The following PCDHGA5 variants were observed in gnomAD, a reference collection of about 807,000 sequenced individuals.
PCDHGA5 encodes protocadherin gamma subfamily A, 5, also known as protocadherin gamma-A5.
Under a neutral mutation model 56.7 loss-of-function variants are expected in PCDHGA5, and 36 were observed. The observed-to-expected ratio is 0.64, with a 90% CI of 0.49 to 0.84. The LOEUF is 0.84. PCDHGA5 is among the 40% of genes least tolerant of loss of function. The probability of loss-of-function intolerance (pLI) is 0.00; values close to 1 mark genes in which losing one functional copy is unlikely to be tolerated. For synonymous variants in PCDHGA5, 563 were observed against 520.2 expected, an observed-to-expected ratio of 1.08 and a Z score of -1.12; for missense variants, 1,305 against 1,201.5, an observed-to-expected ratio of 1.09 and a Z score of -1.27.
chr5:141,408,806 C>A (rs1368887332), intron 1 of PCDHGA5: 2 of 1,612,894 alleles, frequency 1.2e-6, no homozygotes, highest in African/African-American at 1.3e-5. Flanking sequence ...ACTCCTAGAC[C>A]GGGAAGAACA....
chr5:141,404,610 T>C lies in PCDHGA5; in HGVS notation c.2421+37859T>C, dbSNP rs1207198913. ...AATGTGTCATTGAGACTGTTTGTTTTGGACCAGAATGACAATGCCCCAGAA... is the reference window on the plus strand; with the variant it reads ...AATGTGTCATTGAGACTGTTTGTTTCGGACCAGAATGACAATGCCCCAGAA... On this transcript the variant is annotated intron_variant, in intron 1 of 3. Transcript: ENST00000518069. 1 of 1,614,130 alleles carries C rather than the reference T, an allele frequency of 6.2e-7. No homozygotes were observed. Among genetic ancestry groups the C allele is most frequent in the African/African-American group, 1.3e-5 (1 of 75,054 alleles).
chr5:141,376,195 C>G, intron 1 of PCDHGA5: 1 of 1,614,172 alleles, frequency 6.2e-7, no homozygotes, highest in South Asian at 1.1e-5. Context: ...CCTGCGTCTT[C>G]CTGGCCTTCG....
chr5:141,457,635 T>G (rs1242403589), intron 1 of PCDHGA5, among the ~76,000 whole-genome samples: 2 of 152,270 alleles, frequency 1.3e-5, no homozygotes, highest in African/African-American at 4.8e-5. Flanking sequence ...ATACTTGGCC[T>G]GATTATTTGC....
At chr5:141,502,525 G>A (rs1258704254) in intron 2 of PCDHGA5, among the ~76,000 whole-genome samples, 1 of 152,074 alleles carries the variant, frequency 6.6e-6, no homozygotes, top group Non-Finnish European at 1.5e-5. Flanking sequence ...CAGTGATGCC[G>A]AGTTTGTTCG....
Position 141,491,077 on chromosome 5 carries a change from T to TAGGA in PCDHGA5, c.2422-3730_2422-3729insAGGA, listed in dbSNP as rs752090443. 1.2e-6 allele frequency: 2 copies of TAGGA among 1,614,166 alleles called. No homozygotes were observed. Among genetic ancestry groups the TAGGA allele is most frequent in the Admixed American group, 3.3e-5 (2 of 60,014 alleles). On this transcript the variant is annotated intron_variant, in intron 1 of 3. Transcript: ENST00000518069. This position sits in a 1 kb window ranked among gnomAD's most constrained non-coding sequence, Gnocchi z 6.9. The stretch of plus-strand genomic sequence containing the variant: ...GCTCTCCTACTCACTGTTGCCACAG[T>TAGGA]CCACAGCCCCAGGACTGTTCCTCGT...
intron 1 of PCDHGA5, among the ~76,000 whole-genome samples, chr5:141,464,370 T>C (rs1239284694): frequency 6.6e-6 from 1 of 151,828 alleles, no homozygotes. Context: ...CCAATATTTT[T>C]GCAATATAAA....
At chr5:141,451,352 A>G (rs2098714151) in intron 1 of PCDHGA5, among the ~76,000 whole-genome samples, 1 of 152,232 alleles carries the variant, frequency 6.6e-6, no homozygotes, top group Non-Finnish European at 1.5e-5. Flanking sequence ...AAGGGTCAAC[A>G]GAGGATGGAT....
rs1562157859 is a variant in PCDHGA5 at position 141,493,022 on chromosome 5, G to GTGCC, written c.2422-1784_2422-1781dup. Among the ~76,000 whole-genome samples, 2 of 152,222 alleles carry GTGCC rather than the reference G, an allele frequency of 1.3e-5. No homozygotes were observed. Among genetic ancestry groups the GTGCC allele is most frequent in the African/African-American group, 4.8e-5 (2 of 41,454 alleles). ...GCTATAGGCTCTGCCAGATGCCAGG[G>GTGCC]TGCCCTTATGTGTGAGGAAACTACA... On this transcript the variant is annotated intron_variant, in intron 1 of 3. Coordinates refer to ENST00000518069, the MANE Select transcript of PCDHGA5 (RefSeq NM_018918.3). The surrounding 1 kb of genome is among the most constrained non-coding windows in gnomAD (Gnocchi z 4.3).
At chr5:141,401,669 T>A (rs2094181201) in intron 1 of PCDHGA5, among the ~76,000 whole-genome samples, 1 of 152,234 alleles carries the variant, frequency 6.6e-6, no homozygotes, top group Admixed American at 6.5e-5. Context: ...TTTCTCAACA[T>A]CCTTGTAGGA....
chr5:141,450,829 A>ATTT (rs373424450), intron 1 of PCDHGA5, among the ~76,000 whole-genome samples: 12,063 of 134,876 alleles, frequency 0.089, 619 homozygotes, highest in African/African-American at 0.14. Flanking sequence ...TATTATTATT[A>ATTT]TTTTTTTTTT....
rs1266068276 is a variant in PCDHGA5 at position 141,418,847 on chromosome 5, C to T, written c.2421+52096C>T. 1.2e-6 allele frequency: 2 copies of T among 1,613,972 alleles called. No individual in the cohort carries two copies. The highest frequency in any genetic ancestry group is 1.3e-5 in the African/African-American group (1 of 75,054). On this transcript the variant is annotated intron_variant, in intron 1 of 3. Transcript: ENST00000518069. ...AAAAGACCGAGGATCTCTCTCAACACGGTGTAAAGTAATTGTAGAAGTTGT... is the reference window on the plus strand; with the variant it reads ...AAAAGACCGAGGATCTCTCTCAACATGGTGTAAAGTAATTGTAGAAGTTGT...
In PCDHGA5 at chr5:141,491,759, G is replaced by C. The variant is rs746395685; in HGVS notation, c.2422-3048G>C. 3 of 1,575,392 alleles carry C rather than the reference G, an allele frequency of 1.9e-6. No individual in the cohort carries two copies. Among genetic ancestry groups the C allele is most frequent in the Non-Finnish European group, 2.6e-6 (3 of 1,161,808 alleles). ...GGGGGCGGCACTGGAGAAGCCGCCC[G>C]TCCTCATAAGGGATTGAACTTGCAT... On this transcript the variant is annotated intron_variant, in intron 1 of 3. Coordinates refer to ENST00000518069, the MANE Select transcript of PCDHGA5 (RefSeq NM_018918.3). The surrounding 1 kb of genome is among the most constrained non-coding windows in gnomAD (Gnocchi z 6.9).
intron 1 of PCDHGA5, chr5:141,386,033 G>A (rs1205491473): frequency 1.3e-5 from 2 of 152,154 alleles, no homozygotes; most frequent in Admixed American, 6.6e-5. Flanking sequence ...TTGTGACATA[G>A]GCAATTACAT....
In PCDHGA5 at chr5:141,493,511, T is replaced by G. The variant is rs1203329648; in HGVS notation, c.2422-1296T>G. Among the ~76,000 whole-genome samples the G allele has an allele frequency of 6.6e-6, 1 of 152,094 alleles. No individual in the cohort carries two copies. Reference sequence around the variant, plus strand: ...TCTGTGGCTCCTCATTTCTGAGCAGTCCCCGCAGCGCAAACTTGGCCAGTT... The same window carrying G: ...TCTGTGGCTCCTCATTTCTGAGCAGGCCCCGCAGCGCAAACTTGGCCAGTT... On this transcript the variant is annotated intron_variant, in intron 1 of 3. Coordinates refer to ENST00000518069, the MANE Select transcript of PCDHGA5 (RefSeq NM_018918.3). This position sits in a 1 kb window ranked among gnomAD's most constrained non-coding sequence, Gnocchi z 4.3.
intron 1 of PCDHGA5, chr5:141,415,314 C>G (rs375384840): frequency 1.9e-6 from 3 of 1,614,238 alleles, no homozygotes; most frequent in South Asian, 1.1e-5. Context: ...CCTTCGTCAT[C>G]GTGCTGCTGG....
intron 1 of PCDHGA5, chr5:141,371,107 A>AC (rs1370451724): frequency 5.0e-6 from 8 of 1,613,532 alleles, no homozygotes; most frequent in East Asian, 2.2e-5. Flanking sequence ...GCAAATGATA[A>AC]CCCCCCAGTA....
At chr5:141,384,270 C>T in intron 1 of PCDHGA5, 1 of 1,613,890 alleles carries the variant, frequency 6.2e-7, no homozygotes, top group Non-Finnish European at 8.5e-7. Flanking sequence ...ACTCATCCTA[C>T]TCAGTCTACA....
At chr5:141,423,237 C>A in intron 1 of PCDHGA5, 1 of 1,613,916 alleles carries the variant, frequency 6.2e-7, no homozygotes, top group Non-Finnish European at 8.5e-7. Context: ...ACAGCATCCC[C>A]GAAGTCCTGG....
At chr5:141,427,732 G>T in intron 1 of PCDHGA5, 1 of 1,190,370 alleles carries the variant, frequency 8.4e-7, no homozygotes, top group Non-Finnish European at 1.2e-6. Context: ...GGGCTGAATG[G>T]CCAAGTCTCC....
Sources: allele counts gnomAD v4.1 joint callset (sites outside exome capture counted in the v4.1 genomes callset), GRCh38; gene constraint gnomAD v4.1.1; non-coding constraint Gnocchi (gnomAD v3.1); transcripts MANE v1.5; gene names NCBI Gene and HGNC (gene_info 2026-07-23, HGNC 2026-07-21).